The following EXOC4 variants were observed in gnomAD, a reference collection of about 807,000 sequenced individuals.
EXOC4 encodes exocyst complex component 4, also known as SEC8-like 1.
In EXOC4, 71 loss-of-function variants were observed where a neutral mutation model predicts 107.2. The observed-to-expected ratio is 0.66, with a 90% CI of 0.55 to 0.81. The LOEUF is 0.81. EXOC4 is among the 30% of genes least tolerant of loss of function. EXOC4 has a pLI of 0.00. For synonymous variants in EXOC4, 456 were observed against 441.2 expected (o/e 1.03, Z -0.42); for missense variants, 1,108 against 1,189.6 (o/e 0.93, Z 1.01).
chr7:133,479,089 G>A (rs1387938227), intron 8 of EXOC4: 3 of 152,246 alleles, frequency 2.0e-5, no homozygotes, highest in South Asian at 2.1e-4. Flanking sequence ...ACTGTTGCTC[G>A]TACTATGTTG....
intron 17 of EXOC4, among the ~76,000 whole-genome samples, chr7:134,023,686 A>G (rs983111442): frequency 2.0e-5 from 3 of 152,210 alleles, no homozygotes; most frequent in African/African-American, 7.2e-5. Flanking sequence ...TGCGCTATAC[A>G]GCTTATGACA....
intron 12 of EXOC4, among the ~76,000 whole-genome samples, chr7:133,916,584 TTTGTCTACAAACATTAA>T (rs1334882578): frequency 6.6e-6 from 1 of 152,150 alleles, no homozygotes; most frequent in African/African-American, 2.4e-5. Flanking sequence ...TCCATCTTCT[TTTGTCTACAAACATTAA>T]TTGTCTGTTG....
At chr7:134,054,446 A>G (rs1393088578) in intron 17 of EXOC4, among the ~76,000 whole-genome samples, 1 of 152,086 alleles carries the variant, frequency 6.6e-6, no homozygotes, top group Non-Finnish European at 1.5e-5. Flanking sequence ...TGCTTCCCAT[A>G]ATTCCAGATT....
intron 17 of EXOC4, among the ~76,000 whole-genome samples, chr7:134,052,592 GCAAA>G (rs1795823584): frequency 6.6e-6 from 1 of 152,086 alleles, no homozygotes; most frequent in South Asian, 2.1e-4. Flanking sequence ...AGAGGAGGAT[GCAAA>G]CAAAGTTAGC....
In EXOC4 at chr7:133,772,036, T is replaced by G. The variant is rs577656263; in HGVS notation, c.1515-45289T>G. ...GTCTGCAGCAATCATAGGCTGTCAT[T>G]TCTAATACATTTCTGGGAAGTTGAA... On this transcript the variant is annotated intron_variant, in intron 10 of 17. Transcript: ENST00000253861. Among the ~76,000 whole-genome samples the G allele has an allele frequency of 3.9e-5, 6 of 152,066 alleles. No individual in the cohort carries two copies. The East Asian group carries it at 1.2e-3, about 29-fold the overall frequency.
At chr7:133,563,181 C>T (rs1800841646) in intron 9 of EXOC4, among the ~76,000 whole-genome samples, 1 of 150,994 alleles carries the variant, frequency 6.6e-6, no homozygotes, top group South Asian at 2.1e-4. Flanking sequence ...ATGGCCATTT[C>T]TAATGGCATA....
At chr7:133,556,308 C>T (rs1584995786) in intron 9 of EXOC4, among the ~76,000 whole-genome samples, 1 of 152,144 alleles carries the variant, frequency 6.6e-6, no homozygotes, top group South Asian at 2.1e-4. Context: ...CTGGCTGTTT[C>T]CTGTCCTGAT....
intron 11 of EXOC4, among the ~76,000 whole-genome samples, chr7:133,858,616 C>T (rs924465580): frequency 2.6e-5 from 4 of 152,106 alleles, no homozygotes; most frequent in Non-Finnish European, 5.9e-5. Context: ...TCATTAATAA[C>T]CTACGACTAA....
intron 9 of EXOC4, among the ~76,000 whole-genome samples, chr7:133,542,319 A>T (rs1291934120): frequency 6.6e-6 from 1 of 152,126 alleles, no homozygotes; most frequent in African/African-American, 2.4e-5. Context: ...CCTAATTCTC[A>T]TAGAAGGAGT....
At chr7:134,032,577 T>TG (rs574926203) in intron 17 of EXOC4, among the ~76,000 whole-genome samples, 7 of 152,178 alleles carry the variant, frequency 4.6e-5, no homozygotes, top group East Asian at 1.9e-4. Flanking sequence ...AGTCCTGAGC[T>TG]GGGGGGCCTC....
chr7:133,600,583 C>T (rs192368914), intron 9 of EXOC4, among the ~76,000 whole-genome samples: 1 of 152,258 alleles, frequency 6.6e-6, no homozygotes, highest in Non-Finnish European at 1.5e-5. Context: ...ATTAGAAAAT[C>T]ATTCAGAAAA....
chr7:133,451,232 T>C (rs889712947), intron 7 of EXOC4, among the ~76,000 whole-genome samples: 7 of 151,834 alleles, frequency 4.6e-5, no homozygotes, highest in African/African-American at 7.2e-5. Flanking sequence ...TTTTTTTTTT[T>C]TAAATCTTTT....
At chr7:133,659,547 T>C (rs559952533) in intron 10 of EXOC4, among the ~76,000 whole-genome samples, 31 of 152,316 alleles carry the variant, frequency 2.0e-4, no homozygotes, top group Non-Finnish European at 4.0e-4. Flanking sequence ...TTGCAGTGTT[T>C]GTCAAAGTGT....
chr7:133,655,502 CA>C (rs1213459922), intron 10 of EXOC4, among the ~76,000 whole-genome samples: 1 of 152,084 alleles, frequency 6.6e-6, no homozygotes, highest in African/African-American at 2.4e-5. Flanking sequence ...TACGGTGGTA[CA>C]AAAATATTTT....
At chr7:133,686,074 G>A (rs1794291858) in intron 10 of EXOC4, among the ~76,000 whole-genome samples, 1 of 152,076 alleles carries the variant, frequency 6.6e-6, no homozygotes, top group Non-Finnish European at 1.5e-5. Flanking sequence ...GGGTTATCAT[G>A]AGATTGGGAC....
In EXOC4 at chr7:133,990,507, T is replaced by C. The variant is rs550487722; in HGVS notation, c.2207-6985T>C. Among the ~76,000 whole-genome samples the C allele has an allele frequency of 2.6e-5, 4 of 152,326 alleles. No homozygotes were observed. In the South Asian group the frequency reaches 8.3e-4, roughly 32 times the overall value. ...CTCTGTAGCCCAGGCTGGAGTGCAG[T>C]GGCGCAATCTCGGCTCACTGCAACC... is the stretch of plus-strand genomic sequence containing the variant. On this transcript the variant is annotated intron_variant, in intron 14 of 17. Transcript: ENST00000253861.
intron 11 of EXOC4, among the ~76,000 whole-genome samples, chr7:133,857,167 TA>T (rs1798404853): frequency 2.3e-4 from 3 of 13,042 alleles, no homozygotes; most frequent in Admixed American, 8.4e-4. Context: ...TATATATATA[TA>T]TATATATATA....
At chr7:133,569,747 T>A (rs1279967032) in intron 9 of EXOC4, among the ~76,000 whole-genome samples, 1 of 152,186 alleles carries the variant, frequency 6.6e-6, no homozygotes, top group African/African-American at 2.4e-5. Flanking sequence ...ATTTTGACAG[T>A]CTTTTGCCTT....
At chr7:134,079,388 A>T in the EXOC4 span, among the ~76,000 whole-genome samples, 8 of 130,752 alleles carry the variant, frequency 6.1e-5, no homozygotes, top group South Asian at 5.0e-4. Context: ...ATAGCTGTCA[A>T]ATACTAGGTT....
Sources: allele counts gnomAD v4.1 joint callset (sites outside exome capture counted in the v4.1 genomes callset), GRCh38; gene constraint gnomAD v4.1.1; transcripts MANE v1.5; gene names NCBI Gene and HGNC (gene_info 2026-07-23, HGNC 2026-07-21).